DLGAP2: variants seen among roughly 807,000 people sequenced by gnomAD.
DLGAP2 encodes the protein disks large-associated protein 2.
Under a neutral mutation model 100.3 loss-of-function variants are expected in DLGAP2, and 26 were observed. The observed-to-expected ratio is 0.26, with a 90% CI of 0.19 to 0.36. DLGAP2 has a LOEUF of 0.36. Ranked by LOEUF, DLGAP2 falls within the 10% of genes least tolerant of loss-of-function variation. The pLI is 1.00. For synonymous variants in DLGAP2, 886 were observed against 630.1 expected (o/e 1.41, Z -6.08); for missense variants, 1,858 against 1,453.2 (o/e 1.28, Z -4.53).
At chr8:1,225,397 C>T (rs888928473) in intron 2 of DLGAP2, among the ~76,000 whole-genome samples, 1 of 152,178 alleles carries the variant, frequency 6.6e-6, no homozygotes, top group Admixed American at 6.5e-5. Flanking sequence ...AGATACAGAA[C>T]ACCGAGGTAA....
chr8:1,025,936 G>C (rs1198970751), intron 2 of DLGAP2, among the ~76,000 whole-genome samples: 2 of 152,184 alleles, frequency 1.3e-5, no homozygotes, highest in African/African-American at 2.4e-5. Flanking sequence ...AGTTTCTAGG[G>C]AGCAGGGAGC....
intron 2 of DLGAP2, among the ~76,000 whole-genome samples, chr8:1,211,346 C>G (rs543480504): frequency 1.3e-5 from 2 of 152,192 alleles, no homozygotes; most frequent in African/African-American, 4.8e-5. Flanking sequence ...ATGAACACCA[C>G]CAGCCAACGA....
At chr8:1,013,572 A>T (rs1446172823) in intron 2 of DLGAP2, among the ~76,000 whole-genome samples, 1 of 152,066 alleles carries the variant, frequency 6.6e-6, no homozygotes, top group African/African-American at 2.4e-5. Flanking sequence ...CACTAGTGTG[A>T]CCTGGCCCAG....
intron 5 of DLGAP2, among the ~76,000 whole-genome samples, chr8:1,563,570 G>C (rs1037693243): frequency 6.6e-6 from 1 of 152,020 alleles, no homozygotes; most frequent in Admixed American, 6.6e-5. Context: ...CGTTGCTGCG[G>C]GACTGTGTGG....
chr8:829,450 G>A (rs1201896834), intron 1 of DLGAP2, among the ~76,000 whole-genome samples: 2 of 152,142 alleles, frequency 1.3e-5, no homozygotes, highest in African/African-American at 2.4e-5. Flanking sequence ...AATACCCATC[G>A]TGTTTATTTA....
intron 2 of DLGAP2, among the ~76,000 whole-genome samples, chr8:944,387 C>A (rs1188367253): frequency 6.6e-6 from 1 of 151,934 alleles, no homozygotes; most frequent in East Asian, 1.9e-4. Context: ...GGTAACCAAT[C>A]CCTGTGGGTG....
chr8:1,615,341 A>T (rs1329366814), intron 6 of DLGAP2, among the ~76,000 whole-genome samples: 2 of 152,140 alleles, frequency 1.3e-5, no homozygotes, highest in Admixed American at 6.5e-5. Flanking sequence ...ATTAGCACAC[A>T]TTGGAGGAGG....
intron 2 of DLGAP2, among the ~76,000 whole-genome samples, chr8:1,062,932 A>G (rs1350663456): frequency 6.6e-6 from 1 of 152,190 alleles, no homozygotes; most frequent in Non-Finnish European, 1.5e-5. Flanking sequence ...GTTCCAGCTT[A>G]TTCTCCATTT....
At chr8:1,302,539 G>C (rs1465062779) in intron 3 of DLGAP2, 2 of 151,630 alleles carry the variant, frequency 1.3e-5, no homozygotes, top group African/African-American at 4.9e-5. Context: ...CCATACCCGG[G>C]ACTGGACTCA....
At chr8:1,076,995 G>T (rs1304828804) in intron 2 of DLGAP2, among the ~76,000 whole-genome samples, 8 of 128,318 alleles carry the variant, frequency 6.2e-5, no homozygotes, top group Non-Finnish European at 1.1e-4. Context: ...GCCCCCCCAA[G>T]ACCAAGAGGG....
chr8:1,045,618 G>A (rs1325149308), intron 2 of DLGAP2, among the ~76,000 whole-genome samples: 2 of 152,128 alleles, frequency 1.3e-5, no homozygotes, highest in Non-Finnish European at 2.9e-5. Flanking sequence ...GGCATTTTGT[G>A]TCCTTTGACC....
chr8:1,661,998 A>G (rs969941317), intron 8 of DLGAP2, among the ~76,000 whole-genome samples: 4 of 152,198 alleles, frequency 2.6e-5, no homozygotes, highest in Admixed American at 6.5e-5. Context: ...CAGTATGGTG[A>G]GCCTGTGTGC....
In DLGAP2 at chr8:1,195,848, G is replaced by A. The variant is rs143305308; in HGVS notation, c.74-63003G>A. ...CCTTGCAGCGGTAGATACGTTCTGCGAAAACGCTTCCAAATGAGGGTCATT... is the reference window on the plus strand; with the variant it reads ...CCTTGCAGCGGTAGATACGTTCTGCAAAAACGCTTCCAAATGAGGGTCATT... On this transcript the variant is annotated intron_variant, in intron 2 of 14. Coordinates refer to ENST00000637795, the MANE Select transcript of DLGAP2 (RefSeq NM_001346810.2). Among the ~76,000 whole-genome samples, 403 of 152,304 alleles carry A rather than the reference G, an allele frequency of 2.6e-3. 2 individuals carry two copies. Among genetic ancestry groups the A allele is most frequent in the African/African-American group, 9.2e-3 (383 of 41,562 alleles).
At chr8:1,605,848 T>G (rs889777434) in intron 6 of DLGAP2, among the ~76,000 whole-genome samples, 1 of 152,224 alleles carries the variant, frequency 6.6e-6, no homozygotes. Context: ...TGGCAAATGT[T>G]TAAAATATGC....
intron 3 of DLGAP2, among the ~76,000 whole-genome samples, chr8:1,323,307 G>C (rs895642566): frequency 3.0e-4 from 46 of 152,130 alleles, no homozygotes; most frequent in African/African-American, 1.1e-3. Context: ...TAGGATTACA[G>C]GCATGAGCCA....
intron 2 of DLGAP2, among the ~76,000 whole-genome samples, chr8:1,176,645 G>C (rs1797265547): frequency 6.6e-6 from 1 of 152,204 alleles, no homozygotes; most frequent in Non-Finnish European, 1.5e-5. Flanking sequence ...AGAAGTTGGA[G>C]GCTGGGCGAG....
chr8:1,233,539 C>G (rs1188787233), intron 2 of DLGAP2, among the ~76,000 whole-genome samples: 1 of 152,128 alleles, frequency 6.6e-6, no homozygotes. Context: ...ATGTGAGAGG[C>G]CTGGAAGGAT....
chr8:1,196,115 G>C lies in DLGAP2; in HGVS notation c.74-62736G>C, dbSNP rs936070544. On this transcript the variant is annotated intron_variant, in intron 2 of 14. Transcript: ENST00000637795. The stretch of plus-strand genomic sequence containing the variant: ...AGGCATCACCGATATCCAGGGCCCC[G>C]TCACATTTTTTCCTGATCCACTTAA... Among the ~76,000 whole-genome samples the C allele has an allele frequency of 3.3e-5, 5 of 152,134 alleles. No individual in the cohort carries two copies. In the South Asian group the frequency reaches 6.2e-4, roughly 19 times the overall value.
chr8:1,463,959 A>C (rs1798533034), intron 3 of DLGAP2, among the ~76,000 whole-genome samples: 1 of 152,234 alleles, frequency 6.6e-6, no homozygotes, highest in African/African-American at 2.4e-5. Context: ...AAGAGGAAAA[A>C]TATCAGGCAC....
Sources: gnomAD v4.1 joint callset for allele counts (sites outside exome capture counted in the v4.1 genomes callset) on GRCh38, gnomAD v4.1.1 for gene constraint, MANE v1.5 for transcripts, NCBI Gene and HGNC (gene_info 2026-07-23, HGNC 2026-07-21) for gene names.